PDS5B: variants seen among roughly 807,000 people sequenced by gnomAD.
PDS5B encodes sister chromatid cohesion protein PDS5 homolog B.
Under a neutral mutation model 184.1 loss-of-function variants are expected in PDS5B, and 51 were observed. The ratio of observed to expected loss-of-function variants is 0.28; its 90% CI spans 0.22 to 0.35. The LOEUF (loss-of-function observed/expected upper bound fraction) is 0.35, where lower values mean the gene tolerates loss of function less well. PDS5B is among the 10% of genes least tolerant of loss of function. The probability of loss-of-function intolerance (pLI) is 1.00; values close to 1 mark genes in which losing one functional copy is unlikely to be tolerated. For synonymous variants in PDS5B, 566 were observed against 569.2 expected, an observed-to-expected ratio of 0.99 and a Z score of 0.08; for missense variants, 1,180 against 1,723.3, an observed-to-expected ratio of 0.68 and a Z score of 5.58.
At chr13:32,635,170 G>GTTTTTTTTT (rs71071054) in intron 1 of PDS5B, among the ~76,000 whole-genome samples, 11 of 81,118 alleles carry the variant, frequency 1.4e-4, no homozygotes, top group South Asian at 4.1e-4. Flanking sequence ...AGCCAATTAC[G>GTTTTTTTTT]TTTTTTTTTT....
intron 11 of PDS5B, among the ~76,000 whole-genome samples, chr13:32,686,297 A>G (rs889997057): frequency 1.4e-4 from 22 of 152,242 alleles, no homozygotes; most frequent in African/African-American, 5.3e-4. Context: ...ACTCAGTCCC[A>G]GATGTACAGA....
At chr13:32,610,283 T>C (rs2058121733) in intron 1 of PDS5B, among the ~76,000 whole-genome samples, 1 of 152,196 alleles carries the variant, frequency 6.6e-6, no homozygotes, top group African/African-American at 2.4e-5. Flanking sequence ...AATAAGAAAG[T>C]GCATAATAAG....
At chr13:32,612,411 A>G (rs2058157984) in intron 1 of PDS5B, among the ~76,000 whole-genome samples, 1 of 152,128 alleles carries the variant, frequency 6.6e-6, no homozygotes, top group Non-Finnish European at 1.5e-5. Context: ...TATAATTTAC[A>G]TATCGTATAG....
In PDS5B at chr13:32,764,470, C is replaced by G. The variant is rs1273227855; in HGVS notation, c.3519-19C>G. ...GGTTATTTGATTGTAATAACAATTA[C>G]AAATGTCTGTATTAAAAGGCTTGAT... On this transcript the variant is annotated intron_variant, in intron 30 of 34. Coordinates refer to ENST00000315596, the MANE Select transcript of PDS5B (RefSeq NM_015032.4). The G allele has an allele frequency of 7.1e-7, 1 of 1,400,040 alleles. No homozygotes were observed. The highest frequency in any genetic ancestry group is 1.9e-5 in the Admixed American group (1 of 51,428). 86.7% of individuals were successfully genotyped at this position (1,400,040 alleles called of 1,614,324 possible). A position where few individuals can be genotyped will look rare whatever the true frequency, so the allele number is the denominator to read the frequency against.
intron 10 of PDS5B, among the ~76,000 whole-genome samples, chr13:32,680,830 T>C (rs1466283223): frequency 6.6e-6 from 1 of 152,144 alleles, no homozygotes; most frequent in Non-Finnish European, 1.5e-5. Flanking sequence ...TCTTACTCTG[T>C]TGCCCAGGCT....
intron 9 of PDS5B, among the ~76,000 whole-genome samples, chr13:32,678,568 T>G (rs910761406): frequency 6.6e-6 from 1 of 152,226 alleles, no homozygotes; most frequent in African/African-American, 2.4e-5. Flanking sequence ...TTTATCATTC[T>G]TATATTTGAG....
At chr13:32,646,369 GTT>G (rs58539534) in intron 1 of PDS5B, among the ~76,000 whole-genome samples, 51 of 106,070 alleles carry the variant, frequency 4.8e-4, no homozygotes, top group African/African-American at 1.9e-3. Flanking sequence ...TCATGGCTGT[GTT>G]TTTTTTTTTT....
intron 1 of PDS5B, among the ~76,000 whole-genome samples, chr13:32,622,128 G>A (rs777731978): frequency 5.3e-5 from 8 of 150,618 alleles, no homozygotes; most frequent in Non-Finnish European, 8.9e-5. Context: ...TTCTTTCTCT[G>A]TTCTTTGATT....
At chr13:32,721,320 T>A (rs568998580) in intron 19 of PDS5B, among the ~76,000 whole-genome samples, 2,321 of 150,466 alleles carry the variant, frequency 0.015, 65 homozygotes, top group African/African-American at 0.055. Context: ...ACCCCCCACC[T>A]CCCAGACGGG....
At chr13:32,653,434 C>T (rs1242778290) in intron 3 of PDS5B, among the ~76,000 whole-genome samples, 2 of 152,056 alleles carry the variant, frequency 1.3e-5, no homozygotes, top group Admixed American at 6.5e-5. Flanking sequence ...GTGTCAGGAA[C>T]TGGATTTACA....
At chr13:32,608,275 T>C (rs1273778233) in intron 1 of PDS5B, among the ~76,000 whole-genome samples, 1 of 152,192 alleles carries the variant, frequency 6.6e-6, no homozygotes, top group Non-Finnish European at 1.5e-5. Flanking sequence ...GCCTCTTCTC[T>C]ACCTGATATA....
rs1166180181 is a variant in PDS5B, at chr13:32,655,372, A to ATGTG, written c.313-2866_313-2865insGTGT. On this transcript the variant is annotated intron_variant, in intron 3 of 34. Transcript: ENST00000315596. The stretch of plus-strand genomic sequence containing the variant: ...CATGTTCTTTGCCATATATATATAT[A>ATGTG]TATTTTTTTTTTTTTTTTTTTTTTT... Among the ~76,000 whole-genome samples, 44 of 52,278 alleles carry ATGTG rather than the reference A, an allele frequency of 8.4e-4. 1 individual carries two copies. The highest frequency in any genetic ancestry group is 2.5e-3 in the African/African-American group (26 of 10,394). 34.3% of individuals were successfully genotyped at this position (52,278 alleles called of 152,430 possible). A position where few individuals can be genotyped will look rare whatever the true frequency, so the allele number is the denominator to read the frequency against.
In PDS5B at chr13:32,770,292, G is replaced by T; in HGVS notation, c.3796G>T (p.Glu1266Ter). The change falls in exon 32 of 35, where the codon GAG becomes TAG. Residue 1266 changes from glutamate to a stop codon, truncating the protein, a stop_gained. Coordinates refer to ENST00000315596, the MANE Select transcript of PDS5B (RefSeq NM_015032.4). LOFTEE classifies it high-confidence loss of function. ...ASESDEQQWPEEKRLKEDILE... is the reference protein window; with the variant it reads ...ASESDEQQWP ...AGAATCTGATGAACAGCAGTGGCCT[G>T]AGGAAAAGAGGCTCAAAGAAGATAT... The T allele has an allele frequency of 6.2e-7, 1 of 1,613,974 alleles. No homozygotes were observed. Among genetic ancestry groups the T allele is most frequent in the Non-Finnish European group, 8.5e-7 (1 of 1,180,006 alleles).
Position 32,667,852 on chromosome 13 carries a change from T to C in PDS5B, c.705+8T>C. On this transcript the variant is annotated splice_region_variant and intron_variant, in intron 7 of 34. Coordinates refer to ENST00000315596, the MANE Select transcript of PDS5B (RefSeq NM_015032.4). ...GAGCCATATATTACCAATGTAAGTCTTACTTGTAATTGGTTGTCAGAAGGA... is the reference window on the plus strand; with the variant it reads ...GAGCCATATATTACCAATGTAAGTCCTACTTGTAATTGGTTGTCAGAAGGA... The C allele has an allele frequency of 6.7e-7, 1 of 1,484,684 alleles. No homozygotes were observed. The highest frequency in any genetic ancestry group is 9.1e-7 in the Non-Finnish European group (1 of 1,093,604). 92.0% of individuals were successfully genotyped at this position (1,484,684 alleles called of 1,614,324 possible).
intron 19 of PDS5B, among the ~76,000 whole-genome samples, chr13:32,728,650 A>G (rs1952994192): frequency 6.6e-6 from 1 of 152,150 alleles, no homozygotes; most frequent in African/African-American, 2.4e-5. Context: ...CATTTGTACT[A>G]CAGCCTAGAA....
chr13:32,617,022 G>A (rs552340129), intron 1 of PDS5B, among the ~76,000 whole-genome samples: 4 of 151,892 alleles, frequency 2.6e-5, no homozygotes, highest in South Asian at 4.1e-4. Flanking sequence ...TTTCTCTGAC[G>A]TTGACAGTCT....
At chr13:32,736,399 A>C (rs7489905) in intron 21 of PDS5B, among the ~76,000 whole-genome samples, 1 of 152,040 alleles carries the variant, frequency 6.6e-6, no homozygotes, top group African/African-American at 2.4e-5. Flanking sequence ...CTTTGGGTTA[A>C]GAATTCTAGA....
At chr13:32,737,002 T>G (rs1953354065) in intron 21 of PDS5B, among the ~76,000 whole-genome samples, 1 of 152,228 alleles carries the variant, frequency 6.6e-6, no homozygotes, top group Admixed American at 6.5e-5. Context: ...TTGCTTGTCA[T>G]TAAATCCTTG....
chr13:32,679,097 T>A (rs557392999), intron 10 of PDS5B, among the ~76,000 whole-genome samples, 168 bp downstream of exon 10: 10 of 149,332 alleles, frequency 6.7e-5, no homozygotes, highest in South Asian at 4.2e-4. Flanking sequence ...TTTTTTTTTT[T>A]AAAATAGAGA....
Sources: gnomAD v4.1 joint callset for allele counts (sites outside exome capture counted in the v4.1 genomes callset) on GRCh38, gnomAD v4.1.1 for gene constraint, MANE v1.5 for transcripts, NCBI Gene and HGNC (gene_info 2026-07-23, HGNC 2026-07-21) for gene names.